ANO10: variants seen among roughly 807,000 people sequenced by gnomAD.
ANO10 encodes the protein anoctamin-10.
ANO10 carries 77 observed loss-of-function variants against 74.7 expected under a neutral mutation model. That is an observed-to-expected ratio of 1.03 (90% CI 0.86 to 1.25). The LOEUF (loss-of-function observed/expected upper bound fraction) is 1.25. Ranked by LOEUF, ANO10 falls within the 50% of genes most tolerant of loss-of-function variation. The probability of loss-of-function intolerance (pLI) is 0.00; values close to 1 mark genes in which losing one functional copy is unlikely to be tolerated. For missense variants in ANO10, 721 were observed against 778.1 expected, an observed-to-expected ratio of 0.93 and a Z score of 0.87; for synonymous variants, 279 against 284.9, an observed-to-expected ratio of 0.98 and a Z score of 0.21.
chr3:43,592,636 A>C lies in ANO10; in HGVS notation c.472+5896T>G, dbSNP rs148868218. 3.6e-3 allele frequency among the ~76,000 whole-genome samples: 547 copies of C among 152,360 alleles called. 4 individuals are homozygous for C. The highest frequency in any genetic ancestry group is 0.012 in the African/African-American group (518 of 41,582). On this transcript the variant is annotated intron_variant, in intron 4 of 12. Coordinates refer to ENST00000292246, the MANE Select transcript of ANO10 (RefSeq NM_018075.5). ...AAGACCAAAGATAGATAAAATCATAAAGATGGAGAGAAACCAGAGCAGAAA... is the reference window on the plus strand; with the variant it reads ...AAGACCAAAGATAGATAAAATCATACAGATGGAGAGAAACCAGAGCAGAAA...
At chr3:43,498,449 C>G (rs1040636377) in intron 11 of ANO10, among the ~76,000 whole-genome samples, 12 of 152,310 alleles carry the variant, frequency 7.9e-5, no homozygotes, top group East Asian at 7.7e-4. Context: ...GCAGTGTTAC[C>G]TACCAATTGT....
At chr3:43,396,941 T>C (rs1256661156) in intron 12 of ANO10, among the ~76,000 whole-genome samples, 2 of 152,100 alleles carry the variant, frequency 1.3e-5, no homozygotes, top group Admixed American at 6.5e-5. Flanking sequence ...TAGTTTTTTT[T>C]TTTTTGAGAT....
At chr3:43,414,695 G>A (rs1490511142) in intron 12 of ANO10, among the ~76,000 whole-genome samples, 1 of 152,138 alleles carries the variant, frequency 6.6e-6, no homozygotes, top group Non-Finnish European at 1.5e-5. Context: ...CAGAAAGCAC[G>A]TAATTTTCCA....
At chr3:43,385,337 T>C (rs938885262) in intron 12 of ANO10, among the ~76,000 whole-genome samples, 4 of 152,190 alleles carry the variant, frequency 2.6e-5, no homozygotes, top group Non-Finnish European at 4.4e-5. Context: ...ACAACCACTA[T>C]AGAAAACAGT....
intron 1 of ANO10, among the ~76,000 whole-genome samples, chr3:43,658,894 G>C (rs571842758): frequency 4.1e-4 from 62 of 152,256 alleles, no homozygotes; most frequent in Admixed American, 4.0e-3. Context: ...GTTCTATAAA[G>C]GTCTTTGGGG....
chr3:43,664,997 T>C (rs2083972244), intron 1 of ANO10, among the ~76,000 whole-genome samples: 1 of 152,032 alleles, frequency 6.6e-6, no homozygotes, highest in African/African-American at 2.4e-5. Flanking sequence ...ACTAGAAATA[T>C]CATGTGAACC....
At chr3:43,496,137 A>G (rs548483662) in intron 11 of ANO10, among the ~76,000 whole-genome samples, 9 of 152,290 alleles carry the variant, frequency 5.9e-5, no homozygotes, top group Admixed American at 5.9e-4. Flanking sequence ...TGATCCAGCA[A>G]TCCTGCTTTC....
intron 8 of ANO10, among the ~76,000 whole-genome samples, chr3:43,562,973 C>A (rs547259948): frequency 6.6e-6 from 1 of 152,142 alleles, no homozygotes; most frequent in South Asian, 2.1e-4. Flanking sequence ...ACAACTGTGA[C>A]TATATTAAAG....
chr3:43,555,594 C>T, intron 9 of ANO10, 125 bp from the exon 10 acceptor site: 1 of 878,720 alleles, frequency 1.1e-6, no homozygotes, highest in Non-Finnish European at 1.7e-6. Flanking sequence ...CCACCATACA[C>T]CAGTGTTTCT....
At chr3:43,587,745 GT>G (rs1174641004) in intron 4 of ANO10, among the ~76,000 whole-genome samples, 1 of 151,994 alleles carries the variant, frequency 6.6e-6, no homozygotes, top group Admixed American at 6.6e-5. Context: ...CTGCTAATGG[GT>G]GACACAGTAA....
intron 12 of ANO10, among the ~76,000 whole-genome samples, chr3:43,367,943 T>C (rs2091469373): frequency 6.6e-6 from 1 of 152,200 alleles, no homozygotes; most frequent in African/African-American, 2.4e-5. Context: ...CACCCAGGGC[T>C]GGAAGCAATA....
chr3:43,605,657 GC>G, intron 2 of ANO10, 56 bp downstream of exon 2: 2 of 1,586,646 alleles, frequency 1.3e-6, no homozygotes, highest in Non-Finnish European at 1.7e-6. Context: ...AGTGTGGGAG[GC>G]TGAGCATACA....
At chr3:43,402,180 A>C (rs2092493985) in intron 12 of ANO10, among the ~76,000 whole-genome samples, 1 of 152,230 alleles carries the variant, frequency 6.6e-6, no homozygotes, top group African/African-American at 2.4e-5. Context: ...AAATCCATAA[A>C]GTATTACTCT....
At chr3:43,616,407 A>T (rs2083108944) in intron 1 of ANO10, among the ~76,000 whole-genome samples, 1 of 152,170 alleles carries the variant, frequency 6.6e-6, no homozygotes, top group African/African-American at 2.4e-5. Context: ...CAAAGCCCAT[A>T]TTATGCCCTC....
At chr3:43,373,392 C>A (rs942620433) in intron 12 of ANO10, among the ~76,000 whole-genome samples, 1 of 151,952 alleles carries the variant, frequency 6.6e-6, no homozygotes, top group South Asian at 2.1e-4. Context: ...AATCCCCATT[C>A]CAGAAAGGCT....
chr3:43,443,647 G>A (rs1440743550), intron 11 of ANO10, among the ~76,000 whole-genome samples: 1 of 149,788 alleles, frequency 6.7e-6, no homozygotes, highest in African/African-American at 2.4e-5. Context: ...TGCTCAGTAT[G>A]AAAGCATGAA....
intron 11 of ANO10, among the ~76,000 whole-genome samples, chr3:43,536,064 C>G (rs72865047): frequency 6.6e-6 from 1 of 152,300 alleles, no homozygotes; most frequent in African/African-American, 2.4e-5. Flanking sequence ...TTTAAAAACG[C>G]TTCTTCAGCT....
At chr3:43,578,520 C>T (rs1456210280) in intron 5 of ANO10, among the ~76,000 whole-genome samples, 6 of 152,138 alleles carry the variant, frequency 3.9e-5, no homozygotes, top group Admixed American at 1.3e-4. Context: ...GAGGCCAAGG[C>T]GGGCGAATCA....
At chr3:43,633,209 A>C (rs1307101616) in intron 1 of ANO10, among the ~76,000 whole-genome samples, 1 of 152,204 alleles carries the variant, frequency 6.6e-6, no homozygotes, top group Non-Finnish European at 1.5e-5. Context: ...CATTGAGAGT[A>C]ATGGTAAAAA....
Sources: gnomAD v4.1 joint callset for allele counts (sites outside exome capture counted in the v4.1 genomes callset) on GRCh38, gnomAD v4.1.1 for gene constraint, MANE v1.5 for transcripts, NCBI Gene and HGNC (gene_info 2026-07-23, HGNC 2026-07-21) for gene names.